CEP128: variants seen among roughly 807,000 people sequenced by gnomAD.
CEP128 encodes centrosomal protein 128kDa.
Under a neutral mutation model 156.7 loss-of-function variants are expected in CEP128, and 132 were observed. That is an observed-to-expected ratio of 0.84 (90% CI 0.73 to 0.97). The LOEUF is 0.97. Ranked by LOEUF, CEP128 falls within the 50% of genes least tolerant of loss-of-function variation. The pLI is 0.00. For synonymous variants in CEP128, 469 were observed against 448.9 expected (o/e 1.04, Z -0.57); for missense variants, 1,252 against 1,281.9 (o/e 0.98, Z 0.36).
At chr14:80,706,138 T>C (rs1897234059) in intron 19 of CEP128, among the ~76,000 whole-genome samples, 1 of 152,088 alleles carries the variant, frequency 6.6e-6, no homozygotes, top group Non-Finnish European at 1.5e-5. Flanking sequence ...TAGAAGAAAC[T>C]TTCCCTCATC....
intron 20 of CEP128, among the ~76,000 whole-genome samples, chr14:80,574,351 A>G (rs1891267933): frequency 6.6e-6 from 1 of 152,126 alleles, no homozygotes; most frequent in South Asian, 2.1e-4. Context: ...TCTACCTGCA[A>G]TCTCTAAAAG....
intron 21 of CEP128, among the ~76,000 whole-genome samples, chr14:80,534,888 C>T (rs556794440): frequency 6.7e-6 from 1 of 149,404 alleles, no homozygotes; most frequent in South Asian, 2.1e-4. Context: ...GCATATGACA[C>T]GTGCTTAATT....
intron 19 of CEP128, among the ~76,000 whole-genome samples, chr14:80,647,262 CT>C (rs1248951802): frequency 6.6e-6 from 1 of 151,242 alleles, no homozygotes; most frequent in African/African-American, 2.4e-5. Context: ...TTGCAATCTG[CT>C]TTTTTTCTAC....
intron 19 of CEP128, among the ~76,000 whole-genome samples, chr14:80,663,927 A>G (rs1008193827): frequency 6.6e-6 from 1 of 152,172 alleles, no homozygotes; most frequent in African/African-American, 2.4e-5. Context: ...CCAGTGCCAA[A>G]TTTATCTGCT....
chr14:80,956,047 T>A, intron 2 of CEP128: 1 of 665,392 alleles, frequency 1.5e-6, no homozygotes, highest in Non-Finnish European at 2.7e-6. Flanking sequence ...GTATCATTGT[T>A]GACATCCTCA....
intron 8 of CEP128, among the ~76,000 whole-genome samples, chr14:80,876,708 A>G (rs1035583094): frequency 2.6e-5 from 4 of 152,104 alleles, no homozygotes; most frequent in African/African-American, 7.2e-5. Context: ...AAAATGGCCC[A>G]TCTAGAATTT....
At chr14:80,595,152 A>T (rs1302357615) in intron 19 of CEP128, among the ~76,000 whole-genome samples, 3 of 152,222 alleles carry the variant, frequency 2.0e-5, no homozygotes, top group Non-Finnish European at 4.4e-5. Flanking sequence ...CATAAAAAGG[A>T]TGAGTTCATG....
intron 2 of CEP128, among the ~76,000 whole-genome samples, chr14:80,957,466 CA>C (rs11305793): frequency 0.5 from 71,994 of 144,248 alleles, 18,310 homozygotes; most frequent in African/African-American, 0.67. Context: ...TCAGAAAAAA[CA>C]AAAAAAAAAA....
chr14:80,928,572 T>G (rs1594857308), intron 2 of CEP128, among the ~76,000 whole-genome samples: 1 of 152,076 alleles, frequency 6.6e-6, no homozygotes. Context: ...CAAGGCTTTC[T>G]AAGTAACCCA....
At chr14:80,480,404 G>A (rs554445802) in intron 14 of CEP128, among the ~76,000 whole-genome samples, 1 of 152,238 alleles carries the variant, frequency 6.6e-6, no homozygotes, top group East Asian at 1.9e-4. Flanking sequence ...AAGGCTTGGG[G>A]CTTCCACCCT....
intron 8 of CEP128, among the ~76,000 whole-genome samples, chr14:80,873,787 T>C (rs1888144712): frequency 2.0e-5 from 3 of 152,180 alleles, no homozygotes; most frequent in Non-Finnish European, 4.4e-5. Context: ...GGCGGGTCTT[T>C]CCTGCACTAT....
At chr14:80,848,529 C>T (rs776876543) in intron 9 of CEP128, among the ~76,000 whole-genome samples, 17 of 151,860 alleles carry the variant, frequency 1.1e-4, no homozygotes, top group East Asian at 3.9e-4. Flanking sequence ...GGTGTCTTGG[C>T]GCATGCTTGT....
chr14:80,580,510 G>A (rs1046416455), intron 19 of CEP128, 87 bp from the exon 20 acceptor site: 5 of 761,512 alleles, frequency 6.6e-6, no homozygotes, highest in Admixed American at 4.0e-5. Context: ...CCAGTAGCTT[G>A]TATAAACTGT....
intron 13 of CEP128, among the ~76,000 whole-genome samples, chr14:80,817,874 A>T (rs922834878): frequency 5.3e-5 from 8 of 152,078 alleles, no homozygotes; most frequent in Non-Finnish European, 1.0e-4. Context: ...AGAAGAAAAA[A>T]AAAAAAAGAA....
chr14:80,482,197 A>C (rs1887068298), intron 14 of CEP128, among the ~76,000 whole-genome samples: 1 of 152,164 alleles, frequency 6.6e-6, no homozygotes, highest in East Asian at 1.9e-4. Context: ...CTTCCTTTGC[A>C]TATTTCTGAG....
chr14:80,482,044 AGAATCGC>A (rs1887064339), intron 14 of CEP128, among the ~76,000 whole-genome samples: 2 of 152,268 alleles, frequency 1.3e-5, no homozygotes, highest in African/African-American at 4.8e-5. Context: ...TTTGGGTGGG[AGAATCGC>A]TTTTTAAAGA....
At chr14:80,527,877 C>CT (rs1566758816) in intron 22 of CEP128, among the ~76,000 whole-genome samples, 2 of 151,810 alleles carry the variant, frequency 1.3e-5, no homozygotes, top group Non-Finnish European at 1.5e-5. Flanking sequence ...TGCCTTTTTT[C>CT]TTTTTTTTCC....
At chr14:80,502,117 T>G (rs7158378) in intron 24 of CEP128, among the ~76,000 whole-genome samples, 113,421 of 152,052 alleles carry the variant, frequency 0.75, 44,745 homozygotes, top group East Asian at 0.86. Context: ...GGTAGGCCTG[T>G]TTTGCAAGGA....
At chr14:80,784,121 T>C (rs1901267670) in intron 15 of CEP128, among the ~76,000 whole-genome samples, 5 of 152,154 alleles carry the variant, frequency 3.3e-5, no homozygotes, top group Admixed American at 3.3e-4. Flanking sequence ...CATTCACCTA[T>C]TCAATAGATA....
Sources: gnomAD v4.1 joint callset for allele counts (sites outside exome capture counted in the v4.1 genomes callset) on GRCh38, gnomAD v4.1.1 for gene constraint, MANE v1.5 for transcripts, NCBI Gene and HGNC (gene_info 2026-07-23, HGNC 2026-07-21) for gene names.